The following RNASET2 variants were observed in gnomAD, a reference collection of about 807,000 sequenced individuals.
RNASET2 encodes ribonuclease T2, also known as ribonuclease 6.
In RNASET2, 28 loss-of-function variants were observed where a neutral mutation model predicts 33.9. The observed-to-expected ratio is 0.83, with a 90% CI of 0.61 to 1.13. The LOEUF (loss-of-function observed/expected upper bound fraction) is 1.13. RNASET2 is among the 50% of genes most tolerant of loss of function. RNASET2 has a pLI of 0.00. For synonymous variants in RNASET2, 123 were observed against 121.0 expected, an observed-to-expected ratio of 1.02 and a Z score of -0.11; for missense variants, 330 against 319.9, an observed-to-expected ratio of 1.03 and a Z score of -0.24.
intron 5 of RNASET2, among the ~76,000 whole-genome samples, chr6:166,941,381 A>G (rs1006139228): frequency 4.6e-5 from 7 of 152,228 alleles, no homozygotes; most frequent in African/African-American, 1.7e-4. Flanking sequence ...ACATTGTAAC[A>G]ACTGGAAAAA....
rs753925533 is a variant in RNASET2, at chr6:166,923,364, C to T, written c.*6224G>A. On this transcript the variant is annotated 3_prime_UTR_variant, in exon 9 of 9. Coordinates refer to ENST00000508775, the MANE Select transcript of RNASET2 (RefSeq NM_003730.6). ...TCAGCCTCCTGAGTAGCTGGGATTGCAGACACCCGCCACCACACCCAGCTA... is the reference window on the plus strand; with the variant it reads ...TCAGCCTCCTGAGTAGCTGGGATTGTAGACACCCGCCACCACACCCAGCTA... 5.9e-5 allele frequency among the ~76,000 whole-genome samples: 9 copies of T among 151,636 alleles called. No individual in the cohort carries two copies. Among genetic ancestry groups the T allele is most frequent in the Non-Finnish European group, 1.2e-4 (8 of 67,988 alleles).
chr6:166,948,677 C>T (rs1479146147), intron 2 of RNASET2, 52 bp from the exon 3 acceptor site: 5 of 942,820 alleles, frequency 5.3e-6, no homozygotes, highest in South Asian at 5.1e-5. Flanking sequence ...TATTCAAATA[C>T]ACTTAGGAAC....
intron 2 of RNASET2, among the ~76,000 whole-genome samples, chr6:166,951,785 T>C (rs1207641102): frequency 6.6e-6 from 1 of 152,270 alleles, no homozygotes; most frequent in African/African-American, 2.4e-5. Flanking sequence ...TCATTTTATA[T>C]ATTTTCTTTA....
Position 166,924,342 on chromosome 6 carries a change from G to A in RNASET2, c.*5246C>T, listed in dbSNP as rs374248148. On this transcript the variant is annotated 3_prime_UTR_variant, in exon 9 of 9. Transcript: ENST00000508775. The stretch of plus-strand genomic sequence containing the variant: ...TCTCGAACTCCTGACCTTGGGATCC[G>A]CCTGCCTTGGCCTCCCAAAGTGCTG... Among the ~76,000 whole-genome samples, 92 of 152,042 alleles carry A rather than the reference G, an allele frequency of 6.1e-4. No individual in the cohort carries two copies. The highest frequency in any genetic ancestry group is 9.0e-4 in the Non-Finnish European group (61 of 67,952).
At chr6:166,938,781 G>T (rs1445458209) in intron 6 of RNASET2, 114 bp downstream of exon 6, 2 of 790,022 alleles carry the variant, frequency 2.5e-6, no homozygotes, top group African/African-American at 3.4e-5. Flanking sequence ...TGCACATGCA[G>T]AAGCTGCTGG....
rs909658547 is a variant in RNASET2 at position 166,931,107 on chromosome 6, A to G, written c.504T>C (p.Phe168=). Reference sequence around the variant, plus strand: ...CATATACTCTGGCAAGGGCATCTTTAAAATCTGCAACCTGATTTTAAATAC... The same window carrying G: ...CATATACTCTGGCAAGGGCATCTTTGAAATCTGCAACCTGATTTTAAATAC... ...PSINYYQVAD[F]KDALARVYGV... Residue 168 remains phenylalanine, a synonymous_variant, in exon 8 of 9, where the codon TTT becomes TTC. Transcript: ENST00000508775. 3.7e-6 allele frequency: 6 copies of G among 1,607,090 alleles called. No individual in the cohort carries two copies. Among genetic ancestry groups the G allele is most frequent in the East Asian group, 2.2e-5 (1 of 44,870 alleles).
intron 4 of RNASET2, among the ~76,000 whole-genome samples, chr6:166,945,872 G>T (rs1191370954): frequency 6.8e-6 from 1 of 147,362 alleles, no homozygotes; most frequent in African/African-American, 2.5e-5. Flanking sequence ...AAAAGAACTT[G>T]TGATGGATTT....
chr6:166,952,954 G>A (rs2128647629), intron 1 of RNASET2: 1 of 207,152 alleles, frequency 4.8e-6, no homozygotes, highest in South Asian at 7.8e-5. Context: ...ATAAAAGCCT[G>A]AAACCTGGTA....
intron 4 of RNASET2, chr6:166,943,805 TTTTTCTG>T (rs1562499589): frequency 2.1e-6 from 1 of 468,712 alleles, no homozygotes; most frequent in Non-Finnish European, 4.4e-6. Context: ...CTCCATCCAA[TTTTTCTG>T]TAAACCTATA....
rs1465320435 is a variant in RNASET2 at position 166,924,717 on chromosome 6, C to T, written c.*4871G>A. 6.6e-6 allele frequency among the ~76,000 whole-genome samples: 1 copy of T among 152,216 alleles called. No individual in the cohort carries two copies. Among genetic ancestry groups the T allele is most frequent in the African/African-American group, 2.4e-5 (1 of 41,474 alleles). Reference sequence around the variant, plus strand: ...GTCTGTTGCCCTGCACTTTGGGAGGCTGAGGCAGGTGGATCACCCGAGGTC... The same window carrying T: ...GTCTGTTGCCCTGCACTTTGGGAGGTTGAGGCAGGTGGATCACCCGAGGTC... On this transcript the variant is annotated 3_prime_UTR_variant, in exon 9 of 9. Coordinates refer to ENST00000508775, the MANE Select transcript of RNASET2 (RefSeq NM_003730.6).
In RNASET2 at chr6:166,933,738, A is replaced by C; in HGVS notation, c.492+353T>G. 1 of 301,118 alleles carries C rather than the reference A, an allele frequency of 3.3e-6. No individual in the cohort carries two copies. The highest frequency in any genetic ancestry group is 5.1e-5 in the South Asian group (1 of 19,794). The allele number at this position is 301,118 out of a possible 1,614,324, so 18.7% of individuals were successfully genotyped here. ...AGTTTCTTTTATCATAAAACAAATCACAATTTTATCATGAAAACAAACCAC... is the reference window on the plus strand; with the variant it reads ...AGTTTCTTTTATCATAAAACAAATCCCAATTTTATCATGAAAACAAACCAC... On this transcript the variant is annotated intron_variant, in intron 7 of 8. Coordinates refer to ENST00000508775, the MANE Select transcript of RNASET2 (RefSeq NM_003730.6). The surrounding 1 kb of genome is among the most constrained non-coding windows in gnomAD (Gnocchi z 4.1).
intron 1 of RNASET2, chr6:166,955,430 GAGGGCGAGC>G (rs938584309): frequency 1.1e-6 from 1 of 945,734 alleles, no homozygotes; most frequent in Non-Finnish European, 1.3e-6. Context: ...CACACACGCG[GAGGGCGAGC>G]CAAGGGAAGG....
intron 5 of RNASET2, among the ~76,000 whole-genome samples, chr6:166,941,834 T>C (rs990281283): frequency 2.0e-5 from 3 of 152,236 alleles, no homozygotes; most frequent in Non-Finnish European, 2.9e-5. Flanking sequence ...ATAATTACCT[T>C]CAGTTAATAT....
At chr6:166,941,627 T>C (rs375880353) in intron 5 of RNASET2, among the ~76,000 whole-genome samples, 6 of 152,184 alleles carry the variant, frequency 3.9e-5, no homozygotes, top group African/African-American at 1.4e-4. Flanking sequence ...CTAAGGCCAC[T>C]TCACTGCCAC....
intron 4 of RNASET2, 183 bp downstream of exon 4, chr6:166,946,499 G>C: frequency 1.6e-6 from 1 of 620,252 alleles, no homozygotes. Flanking sequence ...GAGGGAAAAG[G>C]TCAATTGGTG....
At chr6:166,948,712 A>G (rs1583231954) in intron 2 of RNASET2, 87 bp from the exon 3 acceptor site, 1 of 847,686 alleles carries the variant, frequency 1.2e-6, no homozygotes, top group Non-Finnish European at 2.1e-6. Flanking sequence ...TTTAGCAGCT[A>G]GTTGCAACAT....
At position 166,929,782 on chromosome 6, in the gene RNASET2, C is replaced by T. The variant is rs774496285; in HGVS notation, c.577G>A (p.Val193Ile). 10 of 1,613,780 alleles carry T rather than the reference C, an allele frequency of 6.2e-6. No individual in the cohort carries two copies. The highest frequency in any genetic ancestry group is 1.1e-5 in the South Asian group (1 of 91,082). The change falls in exon 9 of 9, where the codon GTA (valine) becomes ATA (isoleucine). Residue 193 changes from valine (V) to isoleucine (I), a missense_variant. Val to Ile is a conservative substitution (Grantham distance 29, BLOSUM62 3). Coordinates refer to ENST00000508775, the MANE Select transcript of RNASET2 (RefSeq NM_003730.6). ...QCLPPSQDEE[V>I]QTIGQIELCL... Reference sequence around the variant, plus strand: ...AGTTCTATCTGACCAATTGTCTGTACTTCCTCATCCTAAAAGTAAACAATG... The same window carrying T: ...AGTTCTATCTGACCAATTGTCTGTATTTCCTCATCCTAAAAGTAAACAATG...
chr6:166,955,221 G>GCACACACGCA lies in RNASET2; in HGVS notation c.86+875_86+876insTGCGTGTGTG, dbSNP rs1160982253. ...CGCACGCACACACGCACGCACACACGCGCACACACGCACGCACGCACACAC... is the reference window on the plus strand; with the variant it reads ...CGCACGCACACACGCACGCACACACGCACACACGCACGCACACACGCACGCACGCACACAC... On this transcript the variant is annotated intron_variant, in intron 1 of 8. Transcript: ENST00000508775. 1.6e-3 allele frequency among the ~76,000 whole-genome samples: 151 copies of GCACACACGCA among 94,002 alleles called. 6 individuals carry two copies. The highest frequency in any genetic ancestry group is 6.7e-3 in the African/African-American group (138 of 20,702). 61.7% of individuals were successfully genotyped at this position (94,002 alleles called of 152,430 possible).
At chr6:166,948,368 A>C in intron 3 of RNASET2, 1 of 643,190 alleles carries the variant, frequency 1.6e-6, no homozygotes, top group Non-Finnish European at 2.8e-6. Flanking sequence ...AAAAAGTGTT[A>C]TTGTTCTATG....
Sources: allele counts gnomAD v4.1 joint callset (sites outside exome capture counted in the v4.1 genomes callset), GRCh38; gene constraint gnomAD v4.1.1; non-coding constraint Gnocchi (gnomAD v3.1); transcripts MANE v1.5; gene names NCBI Gene and HGNC (gene_info 2026-07-23, HGNC 2026-07-21).